The following DIO2 variants were observed in gnomAD, a reference collection of about 807,000 sequenced individuals.
DIO2 encodes type II iodothyronine deiodinase.
A neutral mutation model predicts 21.4 loss-of-function variants in DIO2; 19 were observed. The observed-to-expected ratio is 0.89, with a 90% CI of 0.62 to 1.30. The LOEUF is 1.30. Among genes scored for constraint, DIO2 ranks in the 50% most tolerant of loss-of-function variants. The pLI is 0.00. For missense variants in DIO2, 302 were observed against 338.1 expected (o/e 0.89, Z 0.84); for synonymous variants, 122 against 132.9 (o/e 0.92, Z 0.57).
intron 2 of DIO2, among the ~76,000 whole-genome samples, chr14:80,226,023 G>A (rs939047419): frequency 1.3e-5 from 2 of 152,142 alleles, no homozygotes; most frequent in African/African-American, 4.8e-5. Flanking sequence ...CACGGGAACA[G>A]GAAGCAAAAA....
chr14:80,210,205 AG>A (rs1237499089), intron 1 of DIO2, among the ~76,000 whole-genome samples: 1 of 152,082 alleles, frequency 6.6e-6, no homozygotes, highest in African/African-American at 2.4e-5. Flanking sequence ...AGCCTGGTTG[AG>A]GGGGTGGAGG....
At position 80,202,726 on chromosome 14, in the gene DIO2, A is replaced by G. The variant is rs1887781294; in HGVS notation, c.785T>C (p.Phe262Ser). ...TCTAGTTTTCTTTCATCTCTTGCTG[A>G]AATTCTTCTCCAGCCAATGCCGGAC... is the stretch of plus-strand genomic sequence containing the variant. ...QEVRHWLEKN[F>S]SKRUKKTRLA... The change falls in exon 2 of 2, where the codon TTC becomes TCC. Residue 262 changes from phenylalanine to serine, a missense_variant. Coordinates refer to ENST00000438257, the MANE Select transcript of DIO2 (RefSeq NM_013989.5). 6.2e-7 allele frequency: 1 copy of G among 1,613,680 alleles called. No individual in the cohort carries two copies. The highest frequency in any genetic ancestry group is 1.3e-5 in the African/African-American group (1 of 74,920).
upstream of DIO2, among the ~76,000 whole-genome samples, chr14:80,215,024 C>G (rs1888319067): frequency 6.6e-6 from 1 of 152,188 alleles, no homozygotes; most frequent in South Asian, 2.1e-4. Flanking sequence ...GACTTCACAT[C>G]TGTTTAAGAC....
At chr14:80,205,269 G>C (rs886197786) in intron 1 of DIO2, among the ~76,000 whole-genome samples, 15 of 151,930 alleles carry the variant, frequency 9.9e-5, no homozygotes, top group Non-Finnish European at 1.8e-4. Context: ...TGAAATAATA[G>C]TAATGATTCT....
intron 2 of DIO2, among the ~76,000 whole-genome samples, chr14:80,230,531 A>G (rs990659686): frequency 6.6e-6 from 1 of 152,166 alleles, no homozygotes; most frequent in African/African-American, 2.4e-5. Flanking sequence ...AGGAGGAACA[A>G]ATCAGCTTCA....
intron 1 of DIO2, among the ~76,000 whole-genome samples, chr14:80,205,329 G>A (rs1013024833): frequency 6.6e-5 from 10 of 152,074 alleles, no homozygotes; most frequent in Non-Finnish European, 1.5e-4. Flanking sequence ...TCAACGTACC[G>A]TGATAAGAAG....
chr14:80,227,950 A>G (rs1594884547), intron 2 of DIO2, among the ~76,000 whole-genome samples: 1 of 152,194 alleles, frequency 6.6e-6, no homozygotes, highest in Non-Finnish European at 1.5e-5. Flanking sequence ...ATATCTCTAC[A>G]GGCCCCACAC....
intron 1 of DIO2, 82 bp from the exon 2 acceptor site, chr14:80,203,370 T>C: frequency 7.1e-7 from 1 of 1,417,490 alleles, no homozygotes. Flanking sequence ...GAATTCACAT[T>C]AAATAGTTAC....
chr14:80,202,969 T>G lies in DIO2; in HGVS notation c.542A>C (p.Glu181Ala). ...AIPGDSSLSFEVKKHQNQEDR... is the reference protein window; with the variant it reads ...AIPGDSSLSFAVKKHQNQEDR... ...TTCCTGGTTCTGGTGCTTCTTCACC[T>G]CAAAAGACAAAGAGGAGTCCCCCGG... Residue 181 changes from glutamate (E) to alanine (A), a missense_variant, in exon 2 of 2, where the codon GAG becomes GCG. Glu to Ala is a moderately radical substitution (Grantham distance 107). Coordinates refer to ENST00000438257, the MANE Select transcript of DIO2 (RefSeq NM_013989.5). The G allele has an allele frequency of 6.2e-7, 1 of 1,613,944 alleles. No individual in the cohort carries two copies. The highest frequency in any genetic ancestry group is 8.5e-7 in the Non-Finnish European group (1 of 1,179,874).
chr14:80,226,667 G>A (rs2140023542), intron 2 of DIO2, among the ~76,000 whole-genome samples: 3 of 152,358 alleles, frequency 2.0e-5, no homozygotes, highest in Middle Eastern at 6.8e-3. Context: ...TTGGTGAGTG[G>A]AAGTCCATGT....
chr14:80,211,400 G>T lies in DIO2; in HGVS notation c.73C>A (p.Leu25Met), dbSNP rs1379519737. 4 of 1,613,516 alleles carry T rather than the reference G, an allele frequency of 2.5e-6. No homozygotes were observed. The East Asian group carries it at 8.9e-5, about 36-fold the overall frequency. ...AGAATGACCGAGTCATAGAGAGCCA[G>T]GAAGAGGCAGTTGGAGAAAAAAACT... The part of the protein sequence containing the change: ...LPVFFSNCLF[L>M]ALYDSVILLK... Residue 25 changes from leucine (L) to methionine (M), a missense_variant, in exon 1 of 2, where the codon CTG becomes ATG. By Grantham distance (15) the Leu-to-Met change is conservative. Transcript: ENST00000438257.
intron 2 of DIO2, among the ~76,000 whole-genome samples, chr14:80,224,495 C>CCA (rs1888529886): frequency 3.3e-5 from 1 of 29,960 alleles, no homozygotes; most frequent in African/African-American, 6.5e-5. Flanking sequence ...TAGAGAGATA[C>CCA]TACACACACA....
chr14:80,202,834 G>C lies in DIO2; in HGVS notation c.677C>G (p.Ala226Gly). The change falls in exon 2 of 2, where the codon GCC becomes GGC. Residue 226 changes from alanine to glycine, a missense_variant. Ala to Gly is a moderately conservative substitution (Grantham distance 60, BLOSUM62 0). Coordinates refer to ENST00000438257, the MANE Select transcript of DIO2 (RefSeq NM_013989.5). ...DNNANIAYGV[A>G]FERVCIVQRQ... is the part of the protein sequence containing the mutation. ...CTGCACAATGCACACACGTTCAAAG[G>C]CTACCCCGTAAGCTATGTTGGCGTT... 1 of 1,613,890 alleles carries C rather than the reference G, an allele frequency of 6.2e-7. No homozygotes were observed. Among genetic ancestry groups the C allele is most frequent in the Non-Finnish European group, 8.5e-7 (1 of 1,179,884 alleles).
In DIO2 at chr14:80,202,060, C is replaced by A; in HGVS notation, c.*629G>T. 1 of 241,266 alleles carries A rather than the reference C, an allele frequency of 4.1e-6. No homozygotes were observed. Among genetic ancestry groups the A allele is most frequent in the South Asian group, 4.7e-5 (1 of 21,480 alleles). 14.9% of individuals were successfully genotyped at this position (241,266 alleles called of 1,614,324 possible). On this transcript the variant is annotated 3_prime_UTR_variant, in exon 2 of 2. Coordinates refer to ENST00000438257, the MANE Select transcript of DIO2 (RefSeq NM_013989.5). ...AATTAACCCTCAGATTACAGATGAT[C>A]ATTCTAACCTCTCAGACTGAGGGAT...
chr14:80,225,616 A>C (rs1888560076), intron 2 of DIO2, among the ~76,000 whole-genome samples: 1 of 152,182 alleles, frequency 6.6e-6, no homozygotes, highest in African/African-American at 2.4e-5. Context: ...ACCTTCTTCT[A>C]CTGCCCATTC....
rs903947543 is a variant in DIO2 at position 80,201,547 on chromosome 14, G to A, written c.*1142C>T. 1.3e-5 allele frequency: 2 copies of A among 152,094 alleles called. No homozygotes were observed. The highest frequency in any genetic ancestry group is 4.8e-5 in the African/African-American group (2 of 41,396). 9.4% of individuals were successfully genotyped at this position (152,094 alleles called of 1,614,324 possible). A position where few individuals can be genotyped will look rare whatever the true frequency, so the allele number is the denominator to read the frequency against. The stretch of plus-strand genomic sequence containing the variant: ...TATAATTTCTTCAGCTCAGCATTCA[G>A]AGAGAACACTGCTATAGAGACCAAG... On this transcript the variant is annotated 3_prime_UTR_variant, in exon 2 of 2. Transcript: ENST00000438257.
At position 80,202,676 on chromosome 14, in the gene DIO2, T is replaced by C. The variant is rs1566659800; in HGVS notation, c.*13A>G. On this transcript the variant is annotated 3_prime_UTR_variant, in exon 2 of 2. Coordinates refer to ENST00000438257, the MANE Select transcript of DIO2 (RefSeq NM_013989.5). The stretch of plus-strand genomic sequence containing the variant: ...AACTTTTTAAAACAATAAGCTCTCT[T>C]ATAATCATACCTTTAACCAGCTAAT... The C allele has an allele frequency of 1.3e-6, 2 of 1,597,372 alleles. No homozygotes were observed. Among genetic ancestry groups the C allele is most frequent in the South Asian group, 1.1e-5 (1 of 89,080 alleles).
Position 80,203,308 on chromosome 14 carries a change from A to G in DIO2, c.223-20T>C. On this transcript the variant is annotated intron_variant, in intron 1 of 1. Coordinates refer to ENST00000438257, the MANE Select transcript of DIO2 (RefSeq NM_013989.5). Reference sequence around the variant, plus strand: ...TTTCACCTGACGGTAAAAAAAAAAAAAAAGAAGAAGAAGAAGAAGGTGAGA... The same window carrying G: ...TTTCACCTGACGGTAAAAAAAAAAAGAAAGAAGAAGAAGAAGAAGGTGAGA... 6.7e-7 allele frequency: 1 copy of G among 1,485,532 alleles called. No individual in the cohort carries two copies. The highest frequency in any genetic ancestry group is 1.3e-5 in the South Asian group (1 of 74,886). 92.0% of individuals were successfully genotyped at this position (1,485,532 alleles called of 1,614,324 possible). A position where few individuals can be genotyped will look rare whatever the true frequency, so the allele number is the denominator to read the frequency against.
chr14:80,210,626 A>G (rs1888140990), intron 1 of DIO2, among the ~76,000 whole-genome samples: 1 of 152,200 alleles, frequency 6.6e-6, no homozygotes, highest in Non-Finnish European at 1.5e-5. Context: ...ACTCAGGATC[A>G]CTGCCTGAAA....
Sources: gnomAD v4.1 joint callset for allele counts (sites outside exome capture counted in the v4.1 genomes callset) on GRCh38, gnomAD v4.1.1 for gene constraint, MANE v1.5 for transcripts, NCBI Gene and HGNC (gene_info 2026-07-23, HGNC 2026-07-21) for gene names.